Variants in ASIC2 observed in about 807,000 individuals in gnomAD.
The protein encoded by ASIC2 is acid-sensing ion channel 2.
A neutral mutation model predicts 57.3 loss-of-function variants in ASIC2; 25 were observed. That is an observed-to-expected ratio of 0.44 (90% CI 0.32 to 0.61). The LOEUF is 0.61. Among genes scored for constraint, ASIC2 ranks in the 20% least tolerant of loss-of-function variants. The probability of loss-of-function intolerance (pLI) is 0.06; values close to 1 mark genes in which losing one functional copy is unlikely to be tolerated. For missense variants in ASIC2, 641 were observed against 738.1 expected, an observed-to-expected ratio of 0.87 and a Z score of 1.52; for synonymous variants, 319 against 307.5, an observed-to-expected ratio of 1.04 and a Z score of -0.39.
intron 3 of ASIC2, among the ~76,000 whole-genome samples, chr17:33,033,153 C>T (rs569711812): frequency 3.2e-4 from 49 of 152,282 alleles, no homozygotes; most frequent in African/African-American, 1.2e-3. Flanking sequence ...GTAGCTGGGG[C>T]TGCACACTCC....
At chr17:33,866,067 T>C (rs1914230436) in intron 1 of ASIC2, among the ~76,000 whole-genome samples, 1 of 152,226 alleles carries the variant, frequency 6.6e-6, no homozygotes, top group African/African-American at 2.4e-5. Context: ...CAATTGTGCA[T>C]TTTTATGTAG....
intron 1 of ASIC2, among the ~76,000 whole-genome samples, chr17:34,068,620 G>C (rs746936086): frequency 2.6e-5 from 4 of 152,210 alleles, no homozygotes; most frequent in Non-Finnish European, 5.9e-5. Flanking sequence ...AAAGTCCCAT[G>C]AAGCTCTGTC....
chr17:33,147,988 G>A (rs1242787928), intron 1 of ASIC2, among the ~76,000 whole-genome samples: 2 of 152,170 alleles, frequency 1.3e-5, no homozygotes, highest in East Asian at 1.9e-4. Context: ...GACACTTCAC[G>A]CTACTGAACA....
intron 1 of ASIC2, among the ~76,000 whole-genome samples, chr17:33,477,854 C>A (rs1435602196): frequency 6.6e-6 from 1 of 152,172 alleles, no homozygotes; most frequent in Non-Finnish European, 1.5e-5. Flanking sequence ...TCATTTCAGG[C>A]AGAGAAAGAC....
chr17:34,061,302 A>T (rs1245387105), intron 1 of ASIC2, among the ~76,000 whole-genome samples: 1 of 152,230 alleles, frequency 6.6e-6, no homozygotes, highest in Non-Finnish European at 1.5e-5. Context: ...AAATGTGGAG[A>T]GAATTTGCCA....
chr17:33,142,314 T>C (rs1395241864), intron 1 of ASIC2, among the ~76,000 whole-genome samples: 1 of 152,196 alleles, frequency 6.6e-6, no homozygotes, highest in Admixed American at 6.5e-5. Flanking sequence ...TGTTGAGAAG[T>C]AGCATTTCTG....
At chr17:33,393,617 T>C (rs1204200462) in intron 1 of ASIC2, among the ~76,000 whole-genome samples, 1 of 152,104 alleles carries the variant, frequency 6.6e-6, no homozygotes, top group Admixed American at 6.5e-5. Flanking sequence ...AAAATGGGAA[T>C]AATAAAACCT....
At chr17:33,087,804 C>T (rs2092140761) in intron 3 of ASIC2, among the ~76,000 whole-genome samples, 1 of 151,908 alleles carries the variant, frequency 6.6e-6, no homozygotes, top group Non-Finnish European at 1.5e-5. Context: ...AGGAATTCTC[C>T]TGCCTTGGCC....
chr17:33,209,867 C>G (rs1907206907), intron 1 of ASIC2, among the ~76,000 whole-genome samples: 1 of 152,210 alleles, frequency 6.6e-6, no homozygotes, highest in Non-Finnish European at 1.5e-5. Context: ...ACGTCATCTG[C>G]TGACCTAACT....
chr17:33,565,300 G>A (rs1352729843), intron 1 of ASIC2, among the ~76,000 whole-genome samples: 1 of 152,180 alleles, frequency 6.6e-6, no homozygotes, highest in African/African-American at 2.4e-5. Flanking sequence ...TTTTCAGACA[G>A]TTATAGGAGT....
At chr17:33,435,651 T>C (rs1911585667) in intron 1 of ASIC2, among the ~76,000 whole-genome samples, 1 of 152,160 alleles carries the variant, frequency 6.6e-6, no homozygotes, top group African/African-American at 2.4e-5. Flanking sequence ...GTATGAATGA[T>C]AGGGGAAATG....
chr17:33,937,392 C>T (rs188346190), intron 1 of ASIC2, among the ~76,000 whole-genome samples: 5 of 152,098 alleles, frequency 3.3e-5, no homozygotes, highest in Admixed American at 2.6e-4. Flanking sequence ...AGCCAGCATG[C>T]CCGGCTGAAA....
At chr17:33,890,018 T>C (rs749778159) in intron 1 of ASIC2, among the ~76,000 whole-genome samples, 1 of 152,210 alleles carries the variant, frequency 6.6e-6, no homozygotes, top group Non-Finnish European at 1.5e-5. Context: ...GACCCCAGCA[T>C]GGAGCTCCAT....
At chr17:33,018,119 G>A (rs1278887674) in intron 7 of ASIC2, among the ~76,000 whole-genome samples, 1 of 152,202 alleles carries the variant, frequency 6.6e-6, no homozygotes. Flanking sequence ...ATGGGCTTCA[G>A]GGCCACCTTA....
rs556845115 is a variant in ASIC2 at position 33,205,169 on chromosome 17, C to T, written c.708+86239G>A. 6.6e-5 allele frequency among the ~76,000 whole-genome samples: 10 copies of T among 152,296 alleles called. No individual in the cohort carries two copies. In the East Asian group the frequency reaches 1.3e-3, roughly 21 times the overall value. On this transcript the variant is annotated intron_variant, in intron 1 of 9. Transcript: ENST00000225823. ...TCTCTGTTTTCAGTTAGCCAGAGCC[C>T]CTGCTGGAAAGAGAGCCTGGCCCCA...
intron 1 of ASIC2, among the ~76,000 whole-genome samples, chr17:33,689,704 T>C (rs1377651953): frequency 6.6e-6 from 1 of 152,220 alleles, no homozygotes; most frequent in Non-Finnish European, 1.5e-5. Flanking sequence ...CAGATATACT[T>C]AAGTTACAGG....
intron 1 of ASIC2, among the ~76,000 whole-genome samples, chr17:33,197,957 T>C (rs1377097415): frequency 6.6e-6 from 1 of 152,240 alleles, no homozygotes; most frequent in African/African-American, 2.4e-5. Context: ...ACTCTCGTCC[T>C]GGGCCTCACA....
chr17:33,450,060 C>T (rs2141989517), intron 1 of ASIC2, among the ~76,000 whole-genome samples: 1 of 152,314 alleles, frequency 6.6e-6, no homozygotes, highest in Non-Finnish European at 1.5e-5. Context: ...GATCCCACCA[C>T]ACCCGGCCAT....
At chr17:34,074,139 C>T (rs1264316058) in intron 1 of ASIC2, among the ~76,000 whole-genome samples, 1 of 152,162 alleles carries the variant, frequency 6.6e-6, no homozygotes, top group Non-Finnish European at 1.5e-5. Flanking sequence ...CCAACCCAGA[C>T]CTACTGATCA....
Sources: gnomAD v4.1 joint callset for allele counts (sites outside exome capture counted in the v4.1 genomes callset) on GRCh38, gnomAD v4.1.1 for gene constraint, MANE v1.5 for transcripts, NCBI Gene and HGNC (gene_info 2026-07-23, HGNC 2026-07-21) for gene names.